TIAM1: variants seen among roughly 807,000 people sequenced by gnomAD.
TIAM1 encodes the protein rho guanine nucleotide exchange factor TIAM1.
TIAM1 carries 65 observed loss-of-function variants against 163.5 expected under a neutral mutation model. That is an observed-to-expected ratio of 0.40 (90% CI 0.33 to 0.49). TIAM1 has a LOEUF of 0.49. Ranked by LOEUF, TIAM1 falls within the 20% of genes least tolerant of loss-of-function variation. The pLI is 0.77. For synonymous variants in TIAM1, 833 were observed against 810.1 expected (o/e 1.03, Z -0.48); for missense variants, 1,789 against 2,044.7 (o/e 0.87, Z 2.41).
At chr21:31,432,808 TG>T (rs2044088100) in intron 2 of TIAM1, among the ~76,000 whole-genome samples, 1 of 151,824 alleles carries the variant, frequency 6.6e-6, no homozygotes, top group Non-Finnish European at 1.5e-5. Context: ...GGCCAGACTG[TG>T]GAAGGTCTGA....
At chr21:31,263,032 G>A (rs1267912419) in intron 4 of TIAM1, among the ~76,000 whole-genome samples, 1 of 152,154 alleles carries the variant, frequency 6.6e-6, no homozygotes, top group African/African-American at 2.4e-5. Flanking sequence ...AACATAGTGG[G>A]CTCTCAAGAA....
intron 11 of TIAM1, among the ~76,000 whole-genome samples, chr21:31,204,585 T>C (rs143120222): frequency 6.6e-6 from 1 of 152,282 alleles, no homozygotes; most frequent in Non-Finnish European, 1.5e-5. Flanking sequence ...ATATATTCAG[T>C]TACACTTAAC....
rs1489279383 is a variant in TIAM1 at position 31,120,787 on chromosome 21, T to A, written c.4357A>T (p.Asn1453Tyr). 2 of 1,613,778 alleles carry A rather than the reference T, an allele frequency of 1.2e-6. No homozygotes were observed. The highest frequency in any genetic ancestry group is 3.3e-5 in the Admixed American group (2 of 60,000). ...LGRRRRRLAR[N>Y]RFTIDSDAVS... ...GCATCAGAATCAATGGTAAACCTGT[T>A]TCGAGCCAGCCGCCGCCTCCTCCTC... The change falls in exon 28 of 28, where the codon AAC becomes TAC. Residue 1453 changes from asparagine (N) to tyrosine (Y), a missense_variant. Coordinates refer to ENST00000541036, the MANE Select transcript of TIAM1 (RefSeq NM_001353694.2). The surrounding 1 kb of genome is among the most constrained non-coding windows in gnomAD (Gnocchi z 4.2).
At chr21:31,353,830 T>TC (rs2076272329) in intron 2 of TIAM1, among the ~76,000 whole-genome samples, 3 of 108,764 alleles carry the variant, frequency 2.8e-5, no homozygotes, top group African/African-American at 6.9e-5. Flanking sequence ...TATTTATTTA[T>TC]TTATCTTTTT....
At chr21:31,460,496 G>A (rs1392346091) in intron 2 of TIAM1, among the ~76,000 whole-genome samples, 5 of 152,090 alleles carry the variant, frequency 3.3e-5, no homozygotes, top group African/African-American at 1.2e-4. Context: ...GTGTGGTGGT[G>A]GGCACCTGTA....
intron 2 of TIAM1, among the ~76,000 whole-genome samples, chr21:31,358,622 A>G (rs985802080): frequency 6.6e-6 from 1 of 151,892 alleles, no homozygotes; most frequent in Non-Finnish European, 1.5e-5. Context: ...CACATCCCAC[A>G]TCGAATCAGT....
At chr21:31,129,845 CTTTG>C (rs1336564824) in intron 25 of TIAM1, among the ~76,000 whole-genome samples, 5 of 152,092 alleles carry the variant, frequency 3.3e-5, no homozygotes, top group Admixed American at 3.3e-4. Flanking sequence ...TTTATGTGGG[CTTTG>C]TTTGCTCAGT....
chr21:31,522,475 A>C (rs78148384), intron 1 of TIAM1, among the ~76,000 whole-genome samples: 2 of 151,408 alleles, frequency 1.3e-5, no homozygotes, highest in African/African-American at 2.4e-5. Context: ...GCACCATTGC[A>C]CTCCAGCCTG....
At chr21:31,278,338 C>T (rs2073395972) in intron 2 of TIAM1, among the ~76,000 whole-genome samples, 1 of 152,232 alleles carries the variant, frequency 6.6e-6, no homozygotes, top group East Asian at 1.9e-4. Context: ...TGGACAAGAG[C>T]TCCAGGAACA....
intron 2 of TIAM1, among the ~76,000 whole-genome samples, chr21:31,289,677 A>T (rs1478612424): frequency 1.3e-5 from 2 of 152,210 alleles, no homozygotes; most frequent in Non-Finnish European, 2.9e-5. Context: ...GAAAACAAAA[A>T]TCAAACAGAG....
chr21:31,406,358 T>C (rs887934499), intron 2 of TIAM1, among the ~76,000 whole-genome samples: 4 of 152,146 alleles, frequency 2.6e-5, no homozygotes, highest in African/African-American at 9.7e-5. Flanking sequence ...TGGATGCATA[T>C]AGAACCCACC....
intron 2 of TIAM1, among the ~76,000 whole-genome samples, chr21:31,363,924 G>T (rs2076453616): frequency 6.6e-6 from 1 of 152,118 alleles, no homozygotes; most frequent in African/African-American, 2.4e-5. Context: ...CTGTGTATTT[G>T]CTGAAGTATT....
At chr21:31,501,634 G>A (rs1312711798) in intron 1 of TIAM1, among the ~76,000 whole-genome samples, 3 of 151,912 alleles carry the variant, frequency 2.0e-5, no homozygotes, top group Admixed American at 6.6e-5. Flanking sequence ...ACAGGGTCTC[G>A]CTCTGTTGCC....
At chr21:31,324,998 G>A (rs975271533) in intron 2 of TIAM1, among the ~76,000 whole-genome samples, 1 of 152,040 alleles carries the variant, frequency 6.6e-6, no homozygotes, top group Non-Finnish European at 1.5e-5. Context: ...TTTTTTTACA[G>A]GCCAGGCACG....
Position 31,266,939 on chromosome 21 carries a change from C to T in TIAM1, c.34G>A (p.Glu12Lys), listed in dbSNP as rs1489933967. 4 of 1,609,560 alleles carry T rather than the reference C, an allele frequency of 2.5e-6. No individual in the cohort carries two copies. The highest frequency in any genetic ancestry group is 3.4e-6 in the Non-Finnish European group (4 of 1,176,696). ...GNAESQHVEH[E>K]FYGEKHASLG... The stretch of plus-strand genomic sequence containing the variant: ...CTGGCATGCTTTTCTCCATAAAACT[C>T]GTGCTCTACATGTTGACTTTCTGCG... Residue 12 changes from glutamate to lysine, a missense_variant, in exon 4 of 28, where the codon GAG (glutamate) becomes AAG (lysine). Physicochemically the swap from Glu to Lys is moderately conservative, Grantham distance 56. This residue lies in a region of TIAM1 where 555 missense variants were observed against 564.9 expected (regional missense o/e 0.98). Transcript: ENST00000541036.
chr21:31,390,465 T>C (rs2076948955), intron 2 of TIAM1, among the ~76,000 whole-genome samples: 1 of 152,212 alleles, frequency 6.6e-6, no homozygotes, highest in African/African-American at 2.4e-5. Context: ...GTATTGAAAT[T>C]ACATTAGCTC....
chr21:31,448,347 G>A (rs752053706), intron 2 of TIAM1, among the ~76,000 whole-genome samples: 5 of 152,178 alleles, frequency 3.3e-5, no homozygotes, highest in Non-Finnish European at 7.3e-5. Context: ...GCTCATGCCT[G>A]TAATCCCAGT....
At chr21:31,140,842 G>A (rs1275476115) in intron 22 of TIAM1, among the ~76,000 whole-genome samples, 1 of 152,174 alleles carries the variant, frequency 6.6e-6, no homozygotes, top group Non-Finnish European at 1.5e-5. Context: ...GGTAATGGAA[G>A]TTCACTTTCA....
chr21:31,521,084 C>A (rs1028115353), intron 1 of TIAM1, among the ~76,000 whole-genome samples: 7 of 152,228 alleles, frequency 4.6e-5, no homozygotes, highest in African/African-American at 1.7e-4. Flanking sequence ...GCACTCAAAG[C>A]TTTATGCTTG....
Sources: allele counts gnomAD v4.1 joint callset (sites outside exome capture counted in the v4.1 genomes callset), GRCh38; gene constraint gnomAD v4.1.1; regional missense constraint gnomAD v4.1.1; non-coding constraint Gnocchi (gnomAD v3.1); transcripts MANE v1.5; gene names NCBI Gene and HGNC (gene_info 2026-07-23, HGNC 2026-07-21).